Variants in CSNK2A2IP observed in about 807,000 individuals in gnomAD.
CSNK2A2IP encodes casein kinase II subunit alpha'-interacting protein.
At chr3:88,450,503 T>TTA in the CSNK2A2IP span, among the ~76,000 whole-genome samples, 2 of 151,860 alleles carry the variant, frequency 1.3e-5, no homozygotes, top group East Asian at 1.9e-4. Flanking sequence ...TTGACCTTTT[T>TTA]AAAAAAACAT....
the CSNK2A2IP span, among the ~76,000 whole-genome samples, chr3:88,400,111 A>G: frequency 2.6e-5 from 4 of 152,336 alleles, no homozygotes; most frequent in East Asian, 7.7e-4. Flanking sequence ...TGGCAAGGTA[A>G]ATAAATACTA....
chr3:88,466,417 C>T, the CSNK2A2IP span: 1 of 1,231,972 alleles, frequency 8.1e-7, no homozygotes, highest in Non-Finnish European at 1.0e-6. Context: ...AAATGGCAAA[C>T]ACAGAGTCAC....
chr3:88,363,699 C>T, the CSNK2A2IP span, among the ~76,000 whole-genome samples: 31 of 152,252 alleles, frequency 2.0e-4, no homozygotes, highest in South Asian at 1.5e-3. Flanking sequence ...AGTTAAGTTA[C>T]TTGGAAACAG....
At chr3:88,352,295 T>A in the CSNK2A2IP span, among the ~76,000 whole-genome samples, 4 of 152,138 alleles carry the variant, frequency 2.6e-5, no homozygotes, top group African/African-American at 9.7e-5. Context: ...TGGGCTAATG[T>A]GTTTGTTCAA....
chr3:88,387,199 G>A, the CSNK2A2IP span, among the ~76,000 whole-genome samples: 1 of 132,942 alleles, frequency 7.5e-6, no homozygotes, highest in Non-Finnish European at 1.5e-5. Context: ...GTCTTGCTCT[G>A]TCACCAGGCT....
the CSNK2A2IP span, among the ~76,000 whole-genome samples, chr3:88,421,123 T>C: frequency 2.7e-4 from 41 of 152,242 alleles, no homozygotes; most frequent in African/African-American, 9.1e-4. Flanking sequence ...TAGCATTAGA[T>C]CCACCAGGTT....
chr3:88,442,278 G>A, the CSNK2A2IP span, among the ~76,000 whole-genome samples: 1 of 152,102 alleles, frequency 6.6e-6, no homozygotes. Flanking sequence ...GGCCTCAAGT[G>A]ATGCTCCTGC....
the CSNK2A2IP span, among the ~76,000 whole-genome samples, chr3:88,424,563 C>T: frequency 2.6e-5 from 4 of 152,092 alleles, no homozygotes; most frequent in African/African-American, 9.7e-5. Flanking sequence ...ATTTCCTTAA[C>T]ACAATTACTG....
chr3:88,430,600 C>A, the CSNK2A2IP span, among the ~76,000 whole-genome samples: 1 of 151,784 alleles, frequency 6.6e-6, no homozygotes, highest in Non-Finnish European at 1.5e-5. Context: ...ATGTAAGCGA[C>A]CTGGAGACCA....
At chr3:88,376,174 T>C in the CSNK2A2IP span, among the ~76,000 whole-genome samples, 1 of 150,982 alleles carries the variant, frequency 6.6e-6, no homozygotes, top group African/African-American at 2.5e-5. Context: ...CACTTTTCTA[T>C]ATTTCTAAAT....
At chr3:88,433,166 T>C in the CSNK2A2IP span, among the ~76,000 whole-genome samples, 4 of 152,162 alleles carry the variant, frequency 2.6e-5, no homozygotes, top group South Asian at 8.3e-4. Flanking sequence ...TGTTTTCTTT[T>C]ATAAATTTAG....
the CSNK2A2IP span, among the ~76,000 whole-genome samples, chr3:88,366,012 G>T: frequency 3.9e-5 from 6 of 152,216 alleles, no homozygotes; most frequent in African/African-American, 1.4e-4. Flanking sequence ...ACTAAGAAAG[G>T]AGATCATCAT....
chr3:88,359,304 TG>T, the CSNK2A2IP span, among the ~76,000 whole-genome samples: 1 of 148,794 alleles, frequency 6.7e-6, no homozygotes, highest in Non-Finnish European at 1.5e-5. Flanking sequence ...TTGTTGATTT[TG>T]TTTATCTTTT....
At chr3:88,370,297 T>G in the CSNK2A2IP span, among the ~76,000 whole-genome samples, 1 of 151,826 alleles carries the variant, frequency 6.6e-6, no homozygotes, top group African/African-American at 2.4e-5. Flanking sequence ...AAGGAAAAAT[T>G]AGAAACATTA....
chr3:88,438,880 C>A, the CSNK2A2IP span, among the ~76,000 whole-genome samples: 3 of 151,938 alleles, frequency 2.0e-5, no homozygotes, highest in African/African-American at 4.8e-5. Flanking sequence ...GGGAAAGATA[C>A]CACATTTTTT....
At chr3:88,355,213 G>A in the CSNK2A2IP span, among the ~76,000 whole-genome samples, 1 of 152,142 alleles carries the variant, frequency 6.6e-6, no homozygotes, top group South Asian at 2.1e-4. Flanking sequence ...GGTGATGGTG[G>A]TGCAGAAGTA....
At chr3:88,405,398 G>T in the CSNK2A2IP span, among the ~76,000 whole-genome samples, 1 of 152,128 alleles carries the variant, frequency 6.6e-6, no homozygotes, top group Non-Finnish European at 1.5e-5. Context: ...TGCTACAGGA[G>T]ATCAGAGGAA....
At chr3:88,419,513 G>A in the CSNK2A2IP span, among the ~76,000 whole-genome samples, 1 of 152,100 alleles carries the variant, frequency 6.6e-6, no homozygotes, top group South Asian at 2.1e-4. Context: ...CCATTGATGG[G>A]CATCTAGGTT....
At chr3:88,456,257 T>C in the CSNK2A2IP span, among the ~76,000 whole-genome samples, 1 of 152,090 alleles carries the variant, frequency 6.6e-6, no homozygotes, top group African/African-American at 2.4e-5. Context: ...TGATATGGGT[T>C]CCAGTGGATT....
Sources: gnomAD v4.1 joint callset for allele counts (sites outside exome capture counted in the v4.1 genomes callset) on GRCh38, gnomAD v4.1.1 for gene constraint, MANE v1.5 for transcripts, NCBI Gene and HGNC (gene_info 2026-07-23, HGNC 2026-07-21) for gene names.